The following PPP1R9A variants were observed in gnomAD, a reference collection of about 807,000 sequenced individuals.
The protein encoded by PPP1R9A is neurabin-1.
A neutral mutation model predicts 141.9 loss-of-function variants in PPP1R9A; 59 were observed. The ratio of observed to expected loss-of-function variants is 0.42; its 90% confidence interval spans 0.34 to 0.52. The LOEUF (loss-of-function observed/expected upper bound fraction) is 0.52. PPP1R9A is among the 20% of genes least tolerant of loss of function. The pLI is 0.10. For missense variants in PPP1R9A, 1,444 were observed against 1,611.9 expected (o/e 0.90, Z 1.78); for synonymous variants, 500 against 569.7 (o/e 0.88, Z 1.74).
chr7:95,191,328 C>T (rs944060808), intron 5 of PPP1R9A, among the ~76,000 whole-genome samples: 6 of 152,020 alleles, frequency 3.9e-5, no homozygotes, highest in Admixed American at 2.0e-4. Flanking sequence ...CACATTAAAA[C>T]AAGATAAAAA....
chr7:94,989,973 C>T (rs1801307572), intron 2 of PPP1R9A, among the ~76,000 whole-genome samples: 1 of 151,992 alleles, frequency 6.6e-6, no homozygotes, highest in Non-Finnish European at 1.5e-5. Flanking sequence ...AAATGTGCTT[C>T]ATGAAGCGTT....
rs1327618995 is a variant in PPP1R9A at position 95,072,807 on chromosome 7, TTATATATAATAATTATTA to T, written c.1396-38427_1396-38410del. On this transcript the variant is annotated intron_variant, in intron 2 of 19. Coordinates refer to ENST00000433360, the MANE Select transcript of PPP1R9A (RefSeq NM_001166160.2). Reference sequence around the variant, plus strand: ...TATTTATATATTATATTTATAATTATTATATATAATAATTATTATATATATAATAATTATTATATATAA... The same window carrying T: ...TATTTATATATTATATTTATAATTATTATATATAATAATTATTATATATAA... Among the ~76,000 whole-genome samples the T allele has an allele frequency of 1.8e-3, 151 of 84,810 alleles. 4 individuals carry two copies. The highest frequency in any genetic ancestry group is 5.9e-3 in the African/African-American group (121 of 20,654). The allele number at this position is 84,810 out of a possible 152,430, so 55.6% of individuals were successfully genotyped here.
At chr7:95,130,445 G>A (rs185706375) in intron 4 of PPP1R9A, among the ~76,000 whole-genome samples, 3 of 152,338 alleles carry the variant, frequency 2.0e-5, no homozygotes, top group Admixed American at 1.3e-4. Flanking sequence ...TGCTGCAGGG[G>A]TGGGGCTCTC....
chr7:95,119,257 CA>C (rs966232249), intron 3 of PPP1R9A, among the ~76,000 whole-genome samples: 24 of 149,340 alleles, frequency 1.6e-4, no homozygotes, highest in African/African-American at 5.2e-4. Flanking sequence ...ACAGAAAGGA[CA>C]AATGGAAATA....
chr7:95,221,332 C>T (rs1158801090), intron 7 of PPP1R9A, among the ~76,000 whole-genome samples: 2 of 152,070 alleles, frequency 1.3e-5, no homozygotes, highest in Admixed American at 1.3e-4. Context: ...CGCTAATTCC[C>T]AATGTCTCAG....
At chr7:95,044,425 T>C (rs1809698489) in intron 2 of PPP1R9A, among the ~76,000 whole-genome samples, 2 of 152,188 alleles carry the variant, frequency 1.3e-5, no homozygotes, top group Admixed American at 6.5e-5. Context: ...ATCAGGAATA[T>C]TATCTCAAGT....
At chr7:95,091,337 C>CTTTTTTTTTTTTTT (rs555627706) in intron 2 of PPP1R9A, among the ~76,000 whole-genome samples, 4 of 75,972 alleles carry the variant, frequency 5.3e-5, no homozygotes, top group East Asian at 3.2e-4. Context: ...TGTTTTAACT[C>CTTTTTTTTTTTTTT]TTTTTTTTTT....
At chr7:95,251,696 G>C in intron 10 of PPP1R9A, 66 bp from the exon 11 acceptor site, 1 of 1,435,882 alleles carries the variant, frequency 7.0e-7, no homozygotes. Context: ...GCAGTTTATT[G>C]TTTCAGATAA....
At chr7:95,232,663 A>C (rs952356403) in intron 8 of PPP1R9A, among the ~76,000 whole-genome samples, 1 of 152,220 alleles carries the variant, frequency 6.6e-6, no homozygotes. Context: ...AAGGAACTTA[A>C]ACAAATTTAC....
intron 12 of PPP1R9A, 25 bp from the exon 13 acceptor site, chr7:95,268,525 A>G: frequency 6.2e-7 from 1 of 1,611,292 alleles, no homozygotes; most frequent in Non-Finnish European, 8.5e-7. Flanking sequence ...GGTTTCTCTC[A>G]CTGATTATCT....
At chr7:95,066,937 G>C (rs911400681) in intron 2 of PPP1R9A, among the ~76,000 whole-genome samples, 47 of 152,204 alleles carry the variant, frequency 3.1e-4, no homozygotes, top group Non-Finnish European at 5.9e-4. Flanking sequence ...AGGAGAACTT[G>C]AAAACTTTCA....
chr7:94,954,474 T>C (rs899160146), intron 2 of PPP1R9A, among the ~76,000 whole-genome samples: 4 of 151,984 alleles, frequency 2.6e-5, no homozygotes, highest in Admixed American at 1.3e-4. Flanking sequence ...GATGCAAATA[T>C]AGCTAAATTG....
chr7:95,247,647 T>C lies in PPP1R9A; in HGVS notation c.2166+121T>C. 3.7e-6 allele frequency: 3 copies of C among 804,204 alleles called. No individual in the cohort carries two copies. In the South Asian group the frequency reaches 6.4e-5, roughly 17 times the overall value. 49.8% of individuals were successfully genotyped at this position (804,204 alleles called of 1,614,324 possible). A position where few individuals can be genotyped will look rare whatever the true frequency, so the allele number is the denominator to read the frequency against. ...TTTGAAAGAATGCAAATGTGATAGATTCATTTTCACTGTCAGGTACGTAGA... is the reference window on the plus strand; with the variant it reads ...TTTGAAAGAATGCAAATGTGATAGACTCATTTTCACTGTCAGGTACGTAGA... On this transcript the variant is annotated intron_variant, in intron 9 of 19. Transcript: ENST00000433360.
intron 2 of PPP1R9A, among the ~76,000 whole-genome samples, chr7:94,921,353 A>G (rs1562994161): frequency 6.6e-6 from 1 of 151,738 alleles, no homozygotes; most frequent in African/African-American, 2.4e-5. Context: ...AGGCTGAGGC[A>G]GGAGAATGGC....
intron 16 of PPP1R9A, among the ~76,000 whole-genome samples, chr7:95,277,373 A>T (rs954963691): frequency 6.6e-6 from 1 of 152,238 alleles, no homozygotes; most frequent in Non-Finnish European, 1.5e-5. Flanking sequence ...CCAACAAAGA[A>T]ATATGACTTG....
intron 2 of PPP1R9A, among the ~76,000 whole-genome samples, chr7:94,942,368 G>T (rs1795421564): frequency 6.6e-6 from 1 of 152,178 alleles, no homozygotes; most frequent in African/African-American, 2.4e-5. Flanking sequence ...TCAATGAAAA[G>T]ATCATGATTT....
chr7:95,243,769 G>A (rs1797766607), intron 8 of PPP1R9A, among the ~76,000 whole-genome samples: 1 of 152,010 alleles, frequency 6.6e-6, no homozygotes, highest in Admixed American at 6.6e-5. Context: ...GAACCATGAG[G>A]TTCACAACAC....
At position 95,295,140 on chromosome 7, in the gene PPP1R9A, A is replaced by T. The variant is rs1563585942; in HGVS notation, c.*4837A>T. 1 of 152,640 alleles carries T rather than the reference A, an allele frequency of 6.6e-6. No individual in the cohort carries two copies. Among genetic ancestry groups the T allele is most frequent in the South Asian group, 2.1e-4 (1 of 4,832 alleles). 9.5% of individuals were successfully genotyped at this position (152,640 alleles called of 1,614,324 possible). ...ACACACGCACACACACTGCAATCAC[A>T]TGGCATTAAAAAATATATTGTGTAT... On this transcript the variant is annotated 3_prime_UTR_variant, in exon 20 of 20. Coordinates refer to ENST00000433360, the MANE Select transcript of PPP1R9A (RefSeq NM_001166160.2).
intron 4 of PPP1R9A, among the ~76,000 whole-genome samples, chr7:95,152,470 C>G (rs888665307): frequency 2.0e-5 from 3 of 151,990 alleles, no homozygotes; most frequent in African/African-American, 7.3e-5. Flanking sequence ...TTACAGCTTC[C>G]GTTTTGTCCC....
Sources: gnomAD v4.1 joint callset for allele counts (sites outside exome capture counted in the v4.1 genomes callset) on GRCh38, gnomAD v4.1.1 for gene constraint, MANE v1.5 for transcripts, NCBI Gene and HGNC (gene_info 2026-07-23, HGNC 2026-07-21) for gene names.